The following CYP2B6 variants were observed in gnomAD, a reference collection of about 807,000 sequenced individuals.
The protein encoded by CYP2B6 is cytochrome P450 family 2 subfamily B member 6, also known as cytochrome P450 2B6.
In CYP2B6, 35 loss-of-function variants were observed where a neutral mutation model predicts 43.4. The observed-to-expected ratio is 0.81, with a 90% CI of 0.62 to 1.07. The LOEUF is 1.07. CYP2B6 is among the 50% of genes least tolerant of loss of function. The probability of loss-of-function intolerance (pLI) is 0.00; values close to 1 mark genes in which losing one functional copy is unlikely to be tolerated. For missense variants in CYP2B6, 624 were observed against 632.8 expected (o/e 0.99, Z 0.15); for synonymous variants, 239 against 239.2 (o/e 1.00, Z 0.01).
At position 41,012,668 on chromosome 19, in the gene CYP2B6, C is replaced by T. The variant is rs35449271; in HGVS notation, c.1153-6C>T. 5.1e-3 allele frequency: 8,271 copies of T among 1,613,298 alleles called. 48 individuals carry two copies. Among genetic ancestry groups the T allele is most frequent in the Non-Finnish European group, 5.5e-3 (6,436 of 1,179,916 alleles). Reference sequence around the variant, plus strand: ...AATATCTTTTGATCTTGTGATCCTCCCTCAGGACACAGAAGTATTTCTCAT... The same window carrying T: ...AATATCTTTTGATCTTGTGATCCTCTCTCAGGACACAGAAGTATTTCTCAT... On this transcript the variant is annotated splice_polypyrimidine_tract_variant and splice_region_variant and intron_variant, in intron 7 of 8. Transcript: ENST00000324071.
chr19:40,995,305 G>A (rs1037015261), intron 1 of CYP2B6, among the ~76,000 whole-genome samples: 5 of 152,176 alleles, frequency 3.3e-5, no homozygotes, highest in African/African-American at 1.2e-4. Flanking sequence ...TACAGTTCTA[G>A]GAGTCTAGAA....
At position 41,004,286 on chromosome 19, in the gene CYP2B6, C is replaced by G. The variant is rs775972418; in HGVS notation, c.335-11C>G. On this transcript the variant is annotated splice_polypyrimidine_tract_variant and intron_variant, in intron 2 of 8. Coordinates refer to ENST00000324071, the MANE Select transcript of CYP2B6 (RefSeq NM_000767.5). ...CTTCTACAACCAACCCACACCTCCC[C>G]TGCACCCCAGGTGTGATCTTTGCCA... 26 of 1,613,738 alleles carry G rather than the reference C, an allele frequency of 1.6e-5. No homozygotes were observed. The East Asian group carries it at 5.3e-4, about 33-fold the overall frequency.
At chr19:41,000,721 A>G (rs549713955) in intron 1 of CYP2B6, among the ~76,000 whole-genome samples, 8 of 152,186 alleles carry the variant, frequency 5.3e-5, no homozygotes, top group African/African-American at 1.7e-4. Flanking sequence ...TGTGGACAAG[A>G]TGAGGTGCTA....
At chr19:41,008,578 G>A (rs931190085) in intron 4 of CYP2B6, among the ~76,000 whole-genome samples, 6 of 149,846 alleles carry the variant, frequency 4.0e-5, no homozygotes, top group South Asian at 2.2e-4. Flanking sequence ...TAACAAGCCC[G>A]ACCAGTAATT....
chr19:41,003,911 T>G (rs1300428426), intron 1 of CYP2B6, 90 bp from the exon 2 acceptor site: 19 of 1,532,440 alleles, frequency 1.2e-5, no homozygotes, highest in Non-Finnish European at 1.7e-5. Flanking sequence ...GAGGGGCTAA[T>G]TACCAATCTG....
At position 41,012,454 on chromosome 19, in the gene CYP2B6, A is replaced by C. The variant is rs1969299932; in HGVS notation, c.1121A>C (p.His374Pro). ...GGTGTGCCCCACATTGTCACCCAAC[A>C]CACCAGCTTCCGAGGGTACATCATC... ...PMGVPHIVTQHTSFRGYIIPK... is the reference protein window; with the variant it reads ...PMGVPHIVTQPTSFRGYIIPK... Residue 374 changes from histidine to proline, a missense_variant, in exon 7 of 9, where the codon CAC (histidine) becomes CCC (proline). By Grantham distance (77) the His-to-Pro change is moderately conservative (BLOSUM62 -2). Transcript: ENST00000324071. 4.3e-6 allele frequency: 7 copies of C among 1,614,058 alleles called. No individual in the cohort carries two copies. Among genetic ancestry groups the C allele is most frequent in the Non-Finnish European group, 5.9e-6 (7 of 1,179,966 alleles).
At position 41,015,070 on chromosome 19, in the gene CYP2B6, A is replaced by G. The variant is rs567695599; in HGVS notation, c.1295-1576A>G. On this transcript the variant is annotated intron_variant, in intron 8 of 8. Coordinates refer to ENST00000324071, the MANE Select transcript of CYP2B6 (RefSeq NM_000767.5). ...GAGATAGGAAGTTAAGCAAGATGGA[A>G]GAAAGCCAAAAAAAGGAGAGGAAAA... Among the ~76,000 whole-genome samples, 8 of 152,280 alleles carry G rather than the reference A, an allele frequency of 5.3e-5. No homozygotes were observed. In the East Asian group the frequency reaches 1.5e-3, roughly 29 times the overall value.
At chr19:41,002,410 G>A (rs542123667) in intron 1 of CYP2B6, among the ~76,000 whole-genome samples, 2 of 152,184 alleles carry the variant, frequency 1.3e-5, no homozygotes, top group South Asian at 4.2e-4. Context: ...TTCACAAACT[G>A]AACATACTCA....
intron 1 of CYP2B6, among the ~76,000 whole-genome samples, chr19:40,994,426 T>G (rs1968969408): frequency 6.6e-6 from 1 of 152,190 alleles, no homozygotes; most frequent in South Asian, 2.1e-4. Context: ...GTGGGAAACT[T>G]ACTTTTTTGT....
chr19:40,997,485 T>C (rs1969015014), intron 1 of CYP2B6, among the ~76,000 whole-genome samples: 1 of 152,110 alleles, frequency 6.6e-6, no homozygotes, highest in African/African-American at 2.4e-5. Context: ...TTCTGATCAA[T>C]GGTCTTTTTA....
At chr19:41,002,560 G>C (rs145787183) in intron 1 of CYP2B6, among the ~76,000 whole-genome samples, 199 of 152,030 alleles carry the variant, frequency 1.3e-3, no homozygotes, top group African/African-American at 4.6e-3. Flanking sequence ...TTGTTTGTTT[G>C]TTCCTGAGAT....
intron 4 of CYP2B6, chr19:41,007,329 C>G: frequency 2.1e-6 from 1 of 481,610 alleles, no homozygotes; most frequent in East Asian, 3.7e-5. Flanking sequence ...TGAGCAAAAA[C>G]AAGACAAAGA....
At chr19:41,014,819 G>A (rs745447855) in intron 8 of CYP2B6, among the ~76,000 whole-genome samples, 35 of 151,538 alleles carry the variant, frequency 2.3e-4, no homozygotes, top group Admixed American at 4.6e-4. Context: ...AGTCACGTAA[G>A]GAGAAGGAGG....
chr19:40,999,980 A>C lies in CYP2B6; in HGVS notation c.172-4021A>C, dbSNP rs115417829. The stretch of plus-strand genomic sequence containing the variant: ...AAGCATTGGGATAAGTTTTGCATAG[A>C]CATGTTTGACCCTCTCCCTTCCTTT... On this transcript the variant is annotated intron_variant, in intron 1 of 8. Coordinates refer to ENST00000324071, the MANE Select transcript of CYP2B6 (RefSeq NM_000767.5). 5.3e-3 allele frequency among the ~76,000 whole-genome samples: 807 copies of C among 152,208 alleles called. 12 individuals carry two copies. Among genetic ancestry groups the C allele is most frequent in the African/African-American group, 0.018 (740 of 41,482 alleles).
chr19:41,007,525 T>G (rs1969210553), intron 4 of CYP2B6: 1 of 163,718 alleles, frequency 6.1e-6, no homozygotes, highest in African/African-American at 2.4e-5. Flanking sequence ...TGTTGCCATC[T>G]TGGCTTACTG....
chr19:40,991,969 G>A (rs1166108239), intron 1 of CYP2B6, among the ~76,000 whole-genome samples: 3 of 152,020 alleles, frequency 2.0e-5, no homozygotes, highest in Non-Finnish European at 4.4e-5. Flanking sequence ...TTTGGAGGCC[G>A]AGGTGGTGGA....
chr19:41,002,972 T>G (rs931630315), intron 1 of CYP2B6, among the ~76,000 whole-genome samples: 2 of 152,178 alleles, frequency 1.3e-5, no homozygotes, highest in African/African-American at 4.8e-5. Context: ...TTTGTTCTTT[T>G]TTGTTGCTGT....
chr19:41,000,287 G>A (rs1247968637), intron 1 of CYP2B6, among the ~76,000 whole-genome samples: 2 of 152,128 alleles, frequency 1.3e-5, no homozygotes, highest in African/African-American at 2.4e-5. Context: ...CTGTGATCCT[G>A]TGGCTGAGCT....
rs561830421 is a variant in CYP2B6, at chr19:40,992,201, C to CAAAAAAAAAAAAAAAAAA, written c.171+728_171+745dup. 1.5e-3 allele frequency among the ~76,000 whole-genome samples: 96 copies of CAAAAAAAAAAAAAAAAAA among 62,566 alleles called. 1 individual carries two copies. Among genetic ancestry groups the CAAAAAAAAAAAAAAAAAA allele is most frequent in the Non-Finnish European group, 2.1e-3 (62 of 29,156 alleles). The allele number at this position is 62,566 out of a possible 152,430, so 41.0% of individuals were successfully genotyped here. ...TGGGTGACAGAGTGAGACTCCTTCT[C>CAAAAAAAAAAAAAAAAAA]AAAAAAAAAAAAAAAAAAAAGAATA... On this transcript the variant is annotated intron_variant, in intron 1 of 8. Coordinates refer to ENST00000324071, the MANE Select transcript of CYP2B6 (RefSeq NM_000767.5).
Sources: gnomAD v4.1 joint callset for allele counts (sites outside exome capture counted in the v4.1 genomes callset) on GRCh38, gnomAD v4.1.1 for gene constraint, MANE v1.5 for transcripts, NCBI Gene and HGNC (gene_info 2026-07-23, HGNC 2026-07-21) for gene names.